Variants in TLK1 observed in about 807,000 individuals in gnomAD.
TLK1 encodes the protein serine/threonine-protein kinase tousled-like 1.
A neutral mutation model predicts 105.3 loss-of-function variants in TLK1; 24 were observed. That is an observed-to-expected ratio of 0.23 (90% CI 0.17 to 0.32). The LOEUF is 0.32. Ranked by LOEUF, TLK1 falls within the 10% of genes least tolerant of loss-of-function variation. TLK1 has a pLI of 1.00. For missense variants in TLK1, 558 were observed against 910.5 expected (o/e 0.61, Z 4.98); for synonymous variants, 321 against 310.4 (o/e 1.03, Z -0.36).
At chr2:171,073,600 G>A (rs1337570399) in intron 3 of TLK1, among the ~76,000 whole-genome samples, 2 of 151,984 alleles carry the variant, frequency 1.3e-5, no homozygotes, top group East Asian at 3.8e-4. Context: ...CCTTCCAAGA[G>A]ACTAATAAGC....
Position 171,160,204 on chromosome 2 carries a change from G to A in TLK1, c.139+86C>T, listed in dbSNP as rs1435932238. 6.1e-5 allele frequency: 75 copies of A among 1,238,222 alleles called. 2 individuals are homozygous for A. Among genetic ancestry groups the A allele is most frequent in the Non-Finnish European group, 7.1e-6 (7 of 988,300 alleles). The allele number at this position is 1,238,222 out of a possible 1,614,324, so 76.7% of individuals were successfully genotyped here. A position where few individuals can be genotyped will look rare whatever the true frequency, so the allele number is the denominator to read the frequency against. ...CCCCAGGGTCTGGCGGAGAAGCCCCGGGGCGGGGGGGGCGGGGGGGGGGCG... is the reference window on the plus strand; with the variant it reads ...CCCCAGGGTCTGGCGGAGAAGCCCCAGGGCGGGGGGGGCGGGGGGGGGGCG... On this transcript the variant is annotated intron_variant, in intron 1 of 20. Transcript: ENST00000431350. The surrounding 1 kb of genome is among the most constrained non-coding windows in gnomAD (Gnocchi z 4.4).
intron 1 of TLK1, among the ~76,000 whole-genome samples, chr2:171,194,625 G>A (rs1693225546): frequency 6.6e-6 from 1 of 152,002 alleles, no homozygotes; most frequent in Non-Finnish European, 1.5e-5. Flanking sequence ...AGACCATCCT[G>A]GCTAACACGG....
chr2:171,135,680 TAATCCCA>T (rs1443482736), intron 1 of TLK1, among the ~76,000 whole-genome samples: 2 of 151,954 alleles, frequency 1.3e-5, no homozygotes, highest in African/African-American at 2.4e-5. Context: ...TGGGCACCTG[TAATCCCA>T]GCTACTCCAG....
intron 3 of TLK1, among the ~76,000 whole-genome samples, chr2:171,069,859 A>G (rs1688172845): frequency 6.6e-6 from 1 of 152,244 alleles, no homozygotes; most frequent in South Asian, 2.1e-4. Context: ...GTTGTAACCA[A>G]CATAAACAAA....
At chr2:171,003,648 T>A (rs1388284545) in intron 18 of TLK1, among the ~76,000 whole-genome samples, 1 of 152,214 alleles carries the variant, frequency 6.6e-6, no homozygotes, top group Non-Finnish European at 1.5e-5. Flanking sequence ...CATCACAGTG[T>A]TTTAAACAGA....
chr2:171,083,955 A>G (rs1386572184), intron 2 of TLK1, among the ~76,000 whole-genome samples: 1 of 152,212 alleles, frequency 6.6e-6, no homozygotes, highest in Non-Finnish European at 1.5e-5. Flanking sequence ...CAATAAGGGC[A>G]GTGGCAAAGT....
At chr2:171,224,117 T>C (rs1250381907) in intron 1 of TLK1, among the ~76,000 whole-genome samples, 3 of 152,230 alleles carry the variant, frequency 2.0e-5, no homozygotes, top group Non-Finnish European at 2.9e-5. Flanking sequence ...TTTGATTTGA[T>C]TTTTGTATAT....
chr2:171,000,601 G>C (rs1448637266), intron 18 of TLK1, among the ~76,000 whole-genome samples: 1 of 151,978 alleles, frequency 6.6e-6, no homozygotes, highest in African/African-American at 2.4e-5. Flanking sequence ...TTTCATCCTT[G>C]TCATCTTTAG....
chr2:171,141,120 T>A (rs996722427), intron 1 of TLK1, among the ~76,000 whole-genome samples: 3 of 151,966 alleles, frequency 2.0e-5, no homozygotes, highest in African/African-American at 7.3e-5. Context: ...ATAGGGCAAA[T>A]TTAAGAATGT....
At chr2:171,220,056 G>A (rs1251078256) in intron 1 of TLK1, among the ~76,000 whole-genome samples, 1 of 152,078 alleles carries the variant, frequency 6.6e-6, no homozygotes, top group African/African-American at 2.4e-5. Context: ...TCTGTCCATT[G>A]TACTCTTTTT....
At chr2:171,077,168 T>C (rs1444107428) in intron 3 of TLK1, among the ~76,000 whole-genome samples, 2 of 152,200 alleles carry the variant, frequency 1.3e-5, no homozygotes, top group Non-Finnish European at 2.9e-5. Context: ...TTTCAGCTGA[T>C]AACCTATTTT....
In TLK1 at chr2:170,998,046, T is replaced by TTATCTATC. The variant is rs869267964; in HGVS notation, c.1905-231_1905-224dup. ...TGATAAAGTTCATCTCTATCTATCTTTATCTATCTATCTATCTATCTATCT... is the reference window on the plus strand; with the variant it reads ...TGATAAAGTTCATCTCTATCTATCTTTATCTATCTATCTATCTATCTATCTATCTATCT... On this transcript the variant is annotated intron_variant, in intron 18 of 20. Coordinates refer to ENST00000431350, the MANE Select transcript of TLK1 (RefSeq NM_012290.5). 2.4e-3 allele frequency among the ~76,000 whole-genome samples: 356 copies of TTATCTATC among 147,646 alleles called. 2 individuals carry two copies. Among genetic ancestry groups the TTATCTATC allele is most frequent in the African/African-American group, 7.8e-3 (311 of 39,930 alleles).
At chr2:171,036,392 C>A (rs555557400) in intron 11 of TLK1, among the ~76,000 whole-genome samples, 1 of 151,946 alleles carries the variant, frequency 6.6e-6, no homozygotes, top group South Asian at 2.1e-4. Flanking sequence ...CTGTCTCCCC[C>A]CCCAAAAAAA....
intron 3 of TLK1, chr2:171,066,812 A>G: frequency 3.9e-6 from 6 of 1,548,484 alleles, no homozygotes; most frequent in Non-Finnish European, 5.2e-6. Context: ...AATTAGAATA[A>G]AGTTGAACTT....
At chr2:171,062,763 A>C (rs1265697990) in intron 3 of TLK1, among the ~76,000 whole-genome samples, 1 of 152,220 alleles carries the variant, frequency 6.6e-6, no homozygotes, top group Non-Finnish European at 1.5e-5. Flanking sequence ...AACTAACTAA[A>C]TGAATCTACT....
intron 12 of TLK1, among the ~76,000 whole-genome samples, chr2:171,023,639 A>G (rs1461492974): frequency 6.6e-6 from 1 of 152,240 alleles, no homozygotes; most frequent in Non-Finnish European, 1.5e-5. Context: ...GTCTCAAGAC[A>G]TAGTTACTGG....
At chr2:171,109,768 A>G (rs1340889159) in intron 2 of TLK1, among the ~76,000 whole-genome samples, 3 of 152,252 alleles carry the variant, frequency 2.0e-5, no homozygotes, top group Non-Finnish European at 4.4e-5. Flanking sequence ...TAACTGTGGT[A>G]TATCCATACA....
chr2:171,086,149 C>T (rs1404191378), intron 2 of TLK1, among the ~76,000 whole-genome samples: 1 of 152,030 alleles, frequency 6.6e-6, no homozygotes, highest in Non-Finnish European at 1.5e-5. Context: ...ATATTTTTAT[C>T]TTTTAAAACA....
chr2:171,085,902 G>C (rs1050955410), intron 2 of TLK1, among the ~76,000 whole-genome samples: 1 of 152,108 alleles, frequency 6.6e-6, no homozygotes, highest in African/African-American at 2.4e-5. Flanking sequence ...TTAAAACTAG[G>C]GGATGGAAAG....
Sources: gnomAD v4.1 joint callset for allele counts (sites outside exome capture counted in the v4.1 genomes callset) on GRCh38, gnomAD v4.1.1 for gene constraint, Gnocchi (gnomAD v3.1) non-coding constraint, MANE v1.5 for transcripts, NCBI Gene and HGNC (gene_info 2026-07-23, HGNC 2026-07-21) for gene names.